The following FBLN7 variants were observed in gnomAD, a reference collection of about 807,000 sequenced individuals.
The protein encoded by FBLN7 is fibulin-7.
Under a neutral mutation model 44.0 loss-of-function variants are expected in FBLN7, and 31 were observed. The ratio of observed to expected loss-of-function variants is 0.70; its 90% CI spans 0.53 to 0.95. The LOEUF is 0.95. Among genes scored for constraint, FBLN7 ranks in the 40% least tolerant of loss-of-function variants. FBLN7 has a pLI of 0.00. For synonymous variants in FBLN7, 262 were observed against 253.4 expected (o/e 1.03, Z -0.32); for missense variants, 573 against 618.5 (o/e 0.93, Z 0.78).
At position 112,182,829 on chromosome 2, in the gene FBLN7, C is replaced by T; in HGVS notation, c.709C>T (p.Pro237Ser). 1 of 1,611,274 alleles carries T rather than the reference C, an allele frequency of 6.2e-7. No individual in the cohort carries two copies. Among genetic ancestry groups the T allele is most frequent in the Non-Finnish European group, 8.5e-7 (1 of 1,179,126 alleles). ...TGAGCTCTACGGGCAGGAGGGGCGCCCCCGGCTCTGCATGCACGCCTGCGT... is the reference window on the plus strand; with the variant it reads ...TGAGCTCTACGGGCAGGAGGGGCGCTCCCGGCTCTGCATGCACGCCTGCGT... ...ECELYGQEGR[P>S]RLCMHACVNT... The change falls in exon 6 of 8, where the codon CCC (proline) becomes TCC (serine). Residue 237 changes from proline to serine, a missense_variant. Physicochemically the swap from Pro to Ser is moderately conservative, Grantham distance 74 (BLOSUM62 -1). Transcript: ENST00000331203.
At chr2:112,163,764 A>G (rs1367424609) in intron 2 of FBLN7, among the ~76,000 whole-genome samples, 1 of 150,822 alleles carries the variant, frequency 6.6e-6, no homozygotes, top group East Asian at 1.9e-4. Context: ...AACAAGTTGC[A>G]TGGCCTTTTT....
In FBLN7 at chr2:112,187,786, T is replaced by C; in HGVS notation, c.*280T>C. ...AAAACTTTTTCATCCAGGGGATGGG[T>C]GGCTTTCCAAAATGCTGTGCAAATG... On this transcript the variant is annotated 3_prime_UTR_variant, in exon 8 of 8. Transcript: ENST00000331203. The surrounding 1 kb of genome is among the most constrained non-coding windows in gnomAD (Gnocchi z 5.1). 1 of 518,024 alleles carries C rather than the reference T, an allele frequency of 1.9e-6. No individual in the cohort carries two copies. The allele number at this position is 518,024 out of a possible 1,614,324, so 32.1% of individuals were successfully genotyped here. A position where few individuals can be genotyped will look rare whatever the true frequency, so the allele number is the denominator to read the frequency against.
At chr2:112,178,257 C>CA (rs112844069) in intron 4 of FBLN7, among the ~76,000 whole-genome samples, 5,492 of 123,714 alleles carry the variant, frequency 0.044, 251 homozygotes, top group African/African-American at 0.13. Context: ...ACAAGAAATA[C>CA]AAAAAAAAAA....
At chr2:112,193,656 G>A in the FBLN7 span, among the ~76,000 whole-genome samples, 1 of 152,168 alleles carries the variant, frequency 6.6e-6, no homozygotes, top group East Asian at 1.9e-4. Flanking sequence ...GGTATGGAGG[G>A]CCAAATGTAT....
chr2:112,192,592 CGAAAA>C (rs1683525788), downstream of FBLN7, among the ~76,000 whole-genome samples: 2 of 152,196 alleles, frequency 1.3e-5, no homozygotes, highest in South Asian at 4.1e-4. Flanking sequence ...CACTAGCAAA[CGAAAA>C]GAAAAATAAG....
At chr2:112,233,237 C>T in the FBLN7 span, 1 of 1,311,500 alleles carries the variant, frequency 7.6e-7, no homozygotes, top group South Asian at 1.3e-5. Flanking sequence ...TATAAAGTCA[C>T]CATATCTTGT....
chr2:112,159,639 C>T (rs1158834411), intron 1 of FBLN7, 37 bp from the exon 2 acceptor site: 2 of 1,477,034 alleles, frequency 1.4e-6, no homozygotes, highest in Non-Finnish European at 9.1e-7. Flanking sequence ...CTGAGTCAGT[C>T]TCAATGGGTG....
intron 2 of FBLN7, among the ~76,000 whole-genome samples, chr2:112,160,180 CG>C (rs1681677949): frequency 6.6e-6 from 1 of 151,936 alleles, no homozygotes; most frequent in African/African-American, 2.4e-5. Flanking sequence ...TTAGTAGAGA[CG>C]GGGTTTCACC....
At chr2:112,181,637 G>A in intron 4 of FBLN7, 102 bp from the exon 5 acceptor site, 1 of 1,291,070 alleles carries the variant, frequency 7.7e-7, no homozygotes, top group South Asian at 2.0e-5. Context: ...CCTTTGAGAA[G>A]GGGCCGTGCC....
At position 112,187,252 on chromosome 2, in the gene FBLN7, C is replaced by T. The variant is rs751785078; in HGVS notation, c.1066C>T (p.Arg356Cys). ...CCTGAAGACGCCCATCACGCTCTTC[C>T]GCATGGCCACAGCCTCTGCCCCCGG... ...SNLKTPITLF[R>C]MATASAPGRA... Residue 356 changes from arginine to cysteine, a missense_variant, in exon 8 of 8, where the codon CGC becomes TGC. Physicochemically the swap from Arg to Cys is radical, Grantham distance 180. Transcript: ENST00000331203. This position sits in a 1 kb window ranked among gnomAD's most constrained non-coding sequence, Gnocchi z 5.1. 2.8e-5 allele frequency: 45 copies of T among 1,614,122 alleles called. No individual in the cohort carries two copies. The highest frequency in any genetic ancestry group is 3.3e-4 in the Middle Eastern group (2 of 6,084).
At chr2:112,164,439 C>A (rs2104573332) in intron 2 of FBLN7, among the ~76,000 whole-genome samples, 1 of 152,290 alleles carries the variant, frequency 6.6e-6, no homozygotes, top group Middle Eastern at 3.4e-3. Flanking sequence ...GAGAAGACAG[C>A]AGAGTGAGCA....
the FBLN7 span, chr2:112,236,539 C>T: frequency 2.8e-5 from 45 of 1,609,154 alleles, no homozygotes; most frequent in African/African-American, 2.5e-4. Flanking sequence ...GTCAGGTATT[C>T]CTAGAAGCAT....
chr2:112,164,496 G>A (rs931334622), intron 2 of FBLN7, among the ~76,000 whole-genome samples: 1 of 152,212 alleles, frequency 6.6e-6, no homozygotes, highest in Non-Finnish European at 1.5e-5. Flanking sequence ...ACGGTGGCCA[G>A]GGAACACGCG....
intron 2 of FBLN7, among the ~76,000 whole-genome samples, chr2:112,162,883 T>C (rs184506348): frequency 6.6e-6 from 1 of 152,196 alleles, no homozygotes; most frequent in African/African-American, 2.4e-5. Context: ...CCCAATGCAT[T>C]TTAAAACTCT....
chr2:112,160,322 G>A (rs1041214535), intron 2 of FBLN7, among the ~76,000 whole-genome samples: 1 of 152,178 alleles, frequency 6.6e-6, no homozygotes, highest in Non-Finnish European at 1.5e-5. Flanking sequence ...CTGGTTGGTG[G>A]CAGTGGGGGT....
chr2:112,186,875 T>A (rs1683293766), intron 7 of FBLN7, among the ~76,000 whole-genome samples: 1 of 152,192 alleles, frequency 6.6e-6, no homozygotes. Context: ...AATAAATGTA[T>A]GTGCACACAC....
intron 1 of FBLN7, among the ~76,000 whole-genome samples, chr2:112,149,529 G>A (rs1268843147): frequency 1.3e-5 from 2 of 152,116 alleles, no homozygotes; most frequent in Non-Finnish European, 2.9e-5. Context: ...CAGGATCAGG[G>A]TCCATTGTTT....
chr2:112,220,973 G>T, the FBLN7 span, among the ~76,000 whole-genome samples: 3 of 152,178 alleles, frequency 2.0e-5, no homozygotes, highest in Non-Finnish European at 4.4e-5. Flanking sequence ...GAGGTTCTCT[G>T]TATTTCCTGA....
intron 2 of FBLN7, among the ~76,000 whole-genome samples, chr2:112,160,331 G>A (rs1681692971): frequency 6.6e-6 from 1 of 152,204 alleles, no homozygotes; most frequent in Non-Finnish European, 1.5e-5. Flanking sequence ...GGCAGTGGGG[G>A]TGGGGGGAGC....
Sources: allele counts gnomAD v4.1 joint callset (sites outside exome capture counted in the v4.1 genomes callset), GRCh38; gene constraint gnomAD v4.1.1; non-coding constraint Gnocchi (gnomAD v3.1); transcripts MANE v1.5; gene names NCBI Gene and HGNC (gene_info 2026-07-23, HGNC 2026-07-21).